Variants in CSMD1 observed in about 807,000 individuals in gnomAD.
CSMD1 encodes the protein CUB and sushi domain-containing protein 1.
CSMD1 carries 213 observed loss-of-function variants against 417.5 expected under a neutral mutation model. The ratio of observed to expected loss-of-function variants is 0.51; its 90% CI spans 0.46 to 0.57. CSMD1 has a LOEUF of 0.57. Among genes scored for constraint, CSMD1 ranks in the 20% least tolerant of loss-of-function variants. CSMD1 has a pLI of 0.00. For missense variants in CSMD1, 6,923 were observed against 4,529.7 expected (o/e 1.53, Z -15.17); for synonymous variants, 2,862 against 1,736.8 (o/e 1.65, Z -16.11).
chr8:4,434,255 A>G (rs564380775), intron 2 of CSMD1, among the ~76,000 whole-genome samples: 13 of 152,262 alleles, frequency 8.5e-5, no homozygotes, highest in African/African-American at 3.1e-4. Context: ...TGTAAAAGCT[A>G]CTCAGGAGGC....
chr8:3,780,990 C>A (rs189778513), intron 5 of CSMD1, among the ~76,000 whole-genome samples: 1 of 152,254 alleles, frequency 6.6e-6, no homozygotes, highest in East Asian at 1.9e-4. Flanking sequence ...ATATCTGTGA[C>A]ATTTTGTGTG....
intron 6 of CSMD1, among the ~76,000 whole-genome samples, chr8:3,744,923 A>T (rs553610331): frequency 2.0e-5 from 3 of 152,216 alleles, no homozygotes; most frequent in African/African-American, 2.4e-5. Flanking sequence ...GGCCTGAAGC[A>T]GACTGAGGTT....
chr8:3,518,946 G>C (rs1005985643), intron 10 of CSMD1, among the ~76,000 whole-genome samples: 1 of 152,066 alleles, frequency 6.6e-6, no homozygotes, highest in African/African-American at 2.4e-5. Flanking sequence ...CTTTTATTTG[G>C]TTTCAACACA....
At position 3,742,234 on chromosome 8, in the gene CSMD1, T is replaced by G. The variant is rs961178435; in HGVS notation, c.931+11696A>C. Among the ~76,000 whole-genome samples, 7 of 152,310 alleles carry G rather than the reference T, an allele frequency of 4.6e-5. No homozygotes were observed. The East Asian group carries it at 1.2e-3, about 25-fold the overall frequency. On this transcript the variant is annotated intron_variant, in intron 6 of 69. Coordinates refer to ENST00000635120, the MANE Select transcript of CSMD1 (RefSeq NM_033225.6). ...AATCTGGATGTTCTGTAGATAGATT[T>G]AATTCTCACCTAGACATTTTATTAC...
At chr8:3,139,893 TTTTC>T (rs962475648) in intron 41 of CSMD1, among the ~76,000 whole-genome samples, 8 of 144,068 alleles carry the variant, frequency 5.6e-5, no homozygotes, top group African/African-American at 1.7e-4. Flanking sequence ...TTCTTTTTTC[TTTTC>T]TTTCTTTCTT....
chr8:4,123,867 A>G (rs1802618567), intron 3 of CSMD1, among the ~76,000 whole-genome samples: 1 of 152,192 alleles, frequency 6.6e-6, no homozygotes, highest in African/African-American at 2.4e-5. Flanking sequence ...AACGAGATAC[A>G]CATTCCAGGG....
chr8:4,034,064 T>C (rs1282308581), intron 3 of CSMD1, among the ~76,000 whole-genome samples: 1 of 152,238 alleles, frequency 6.6e-6, no homozygotes, highest in Non-Finnish European at 1.5e-5. Flanking sequence ...CTGTATCCAT[T>C]GTCTTTGCAT....
chr8:3,968,004 TAAAAAA>T (rs11330461), intron 5 of CSMD1, among the ~76,000 whole-genome samples: 1 of 98,920 alleles, frequency 1.0e-5, no homozygotes, highest in African/African-American at 4.4e-5. Context: ...CGTCACTGCT[TAAAAAA>T]AAAAAAAAAA....
chr8:4,403,967 C>G (rs1019654537), intron 3 of CSMD1, among the ~76,000 whole-genome samples: 1 of 152,148 alleles, frequency 6.6e-6, no homozygotes, highest in African/African-American at 2.4e-5. Flanking sequence ...TTGGCATCAC[C>G]CCTAAAACTC....
intron 5 of CSMD1, among the ~76,000 whole-genome samples, chr8:3,868,790 T>C (rs146575876): frequency 4.6e-5 from 7 of 152,302 alleles, no homozygotes; most frequent in African/African-American, 1.7e-4. Context: ...ACCTTCAAAA[T>C]ATAAGTAGAA....
chr8:3,295,504 TGTAA>T (rs763759165), intron 25 of CSMD1, among the ~76,000 whole-genome samples: 11 of 152,188 alleles, frequency 7.2e-5, no homozygotes, highest in Non-Finnish European at 1.3e-4. Context: ...ACTTTAAAAC[TGTAA>T]GTGTTTTATT....
Position 4,440,940 on chromosome 8 carries a change from C to T in CSMD1, c.303-20875G>A, listed in dbSNP as rs141423335. ...TGAACCCGGGAGGCGGAGGTTGCAG[C>T]GAGCCGAGATCATGCCACTGCACTT... On this transcript the variant is annotated intron_variant, in intron 2 of 69. Coordinates refer to ENST00000635120, the MANE Select transcript of CSMD1 (RefSeq NM_033225.6). Among the ~76,000 whole-genome samples the T allele has an allele frequency of 4.6e-3, 687 of 150,344 alleles. 6 individuals are homozygous for T. The highest frequency in any genetic ancestry group is 0.016 in the African/African-American group (646 of 40,902).
chr8:4,060,505 T>C (rs1182340462), intron 3 of CSMD1, among the ~76,000 whole-genome samples: 3 of 152,128 alleles, frequency 2.0e-5, no homozygotes, highest in South Asian at 2.1e-4. Flanking sequence ...GGTTTTAGAA[T>C]AGAAAAACAA....
intron 3 of CSMD1, among the ~76,000 whole-genome samples, chr8:4,198,544 A>C (rs2131244372): frequency 6.6e-6 from 1 of 152,306 alleles, no homozygotes; most frequent in South Asian, 2.1e-4. Flanking sequence ...AGTGTCTAGA[A>C]ATATGACACT....
At position 3,588,311 on chromosome 8, in the gene CSMD1, C is replaced by A. The variant is rs527337495; in HGVS notation, c.1098-2051G>T. Among the ~76,000 whole-genome samples the A allele has an allele frequency of 5.0e-5, 5 of 100,734 alleles. No individual in the cohort carries two copies. In the East Asian group the frequency reaches 1.2e-3, roughly 24 times the overall value. 66.1% of individuals were successfully genotyped at this position (100,734 alleles called of 152,430 possible). A position where few individuals can be genotyped will look rare whatever the true frequency, so the allele number is the denominator to read the frequency against. On this transcript the variant is annotated intron_variant, in intron 8 of 69. Coordinates refer to ENST00000635120, the MANE Select transcript of CSMD1 (RefSeq NM_033225.6). ...TTAAGAAAGAAAAAAATAACCAAACCAAACATAAAGAAAACAAAAAGTCAT... is the reference window on the plus strand; with the variant it reads ...TTAAGAAAGAAAAAAATAACCAAACAAAACATAAAGAAAACAAAAAGTCAT...
At chr8:3,848,686 T>C (rs1029969207) in intron 5 of CSMD1, among the ~76,000 whole-genome samples, 3 of 152,282 alleles carry the variant, frequency 2.0e-5, no homozygotes, top group Admixed American at 6.5e-5. Context: ...ATTATGCTCC[T>C]TGCACCATCT....
At chr8:3,106,275 T>C (rs1001401859) in intron 46 of CSMD1, among the ~76,000 whole-genome samples, 1 of 150,344 alleles carries the variant, frequency 6.7e-6, no homozygotes, top group Non-Finnish European at 1.5e-5. Flanking sequence ...TGCATGCATG[T>C]AGTCCCAGTT....
At position 4,428,390 on chromosome 8, in the gene CSMD1, G is replaced by C. The variant is rs557639883; in HGVS notation, c.303-8325C>G. On this transcript the variant is annotated intron_variant, in intron 2 of 69. Coordinates refer to ENST00000635120, the MANE Select transcript of CSMD1 (RefSeq NM_033225.6). ...TTCTAGGTAGCTTGTTATCTTCCTT[G>C]TAAGCTGTAGTTCAATAGGAATACC... is the stretch of plus-strand genomic sequence containing the variant. 1.2e-4 allele frequency among the ~76,000 whole-genome samples: 18 copies of C among 152,230 alleles called. No homozygotes were observed. In the South Asian group the frequency reaches 3.3e-3, roughly 28 times the overall value.
At chr8:4,872,648 A>G (rs1802802089) in intron 1 of CSMD1, among the ~76,000 whole-genome samples, 1 of 152,132 alleles carries the variant, frequency 6.6e-6, no homozygotes, top group Non-Finnish European at 1.5e-5. Context: ...AGTCTAATAC[A>G]CTGCCTCAGA....
Sources: allele counts gnomAD v4.1 joint callset (sites outside exome capture counted in the v4.1 genomes callset), GRCh38; gene constraint gnomAD v4.1.1; transcripts MANE v1.5; gene names NCBI Gene and HGNC (gene_info 2026-07-23, HGNC 2026-07-21).